The following LRBA variants were observed in gnomAD, a reference collection of about 807,000 sequenced individuals.
The protein encoded by LRBA is LPS responsive beige-like anchor protein.
LRBA carries 176 observed loss-of-function variants against 330.0 expected under a neutral mutation model. The ratio of observed to expected loss-of-function variants is 0.53; its 90% CI spans 0.47 to 0.60. The LOEUF is 0.60. LRBA is among the 20% of genes least tolerant of loss of function. The pLI is 0.00. For missense variants in LRBA, 3,259 were observed against 3,444.8 expected (o/e 0.95, Z 1.35); for synonymous variants, 1,230 against 1,193.0 (o/e 1.03, Z -0.64).
chr4:150,455,433 C>G (rs1753941978), intron 44 of LRBA, among the ~76,000 whole-genome samples: 2 of 151,748 alleles, frequency 1.3e-5, no homozygotes, highest in Admixed American at 1.3e-4. Context: ...ACATATACAC[C>G]ATGGAATACT....
chr4:150,588,273 TTCTCACG>T lies in LRBA; in HGVS notation c.6194-96_6194-90del. On this transcript the variant is annotated intron_variant, in intron 39 of 56. Coordinates refer to ENST00000651943, the MANE Select transcript of LRBA (RefSeq NM_001364905.1). ...CCAGAAATTGTATTTAATCTTTTCA[TTCTCACG>T]TCTAGTACTGAACTGCCTGCCAACT... 1.0e-5 allele frequency: 14 copies of T among 1,368,668 alleles called. 1 individual carries two copies. In the South Asian group the frequency reaches 2.1e-4, roughly 21 times the overall value. The allele number at this position is 1,368,668 out of a possible 1,614,324, so 84.8% of individuals were successfully genotyped here.
At chr4:150,289,715 T>C (rs1748604787) in intron 53 of LRBA, among the ~76,000 whole-genome samples, 1 of 152,230 alleles carries the variant, frequency 6.6e-6, no homozygotes, top group Non-Finnish European at 1.5e-5. Context: ...GCTGTACAGA[T>C]TGAGCATTCT....
chr4:150,583,112 C>T lies in LRBA; in HGVS notation c.6330+4936G>A. Reference sequence around the variant, plus strand: ...TGTCAGGCGCGCAAGGCGGCCATCGCCAAAACCATCCGAGAGGTCTGTAAG... The same window carrying T: ...TGTCAGGCGCGCAAGGCGGCCATCGTCAAAACCATCCGAGAGGTCTGTAAG... On this transcript the variant is annotated intron_variant, in intron 40 of 56. Coordinates refer to ENST00000651943, the MANE Select transcript of LRBA (RefSeq NM_001364905.1). The surrounding 1 kb of genome is among the most constrained non-coding windows in gnomAD (Gnocchi z 9.8). The T allele has an allele frequency of 6.2e-7, 1 of 1,614,194 alleles. No individual in the cohort carries two copies. The highest frequency in any genetic ancestry group is 1.1e-5 in the South Asian group (1 of 91,084).
chr4:150,379,082 C>A (rs1473676145), intron 47 of LRBA, among the ~76,000 whole-genome samples: 1 of 151,952 alleles, frequency 6.6e-6, no homozygotes, highest in African/African-American at 2.4e-5. Context: ...GCAGGTGGAT[C>A]ACCTGAGGTC....
intron 37 of LRBA, among the ~76,000 whole-genome samples, chr4:150,661,604 C>G (rs1010586781): frequency 6.6e-6 from 1 of 150,972 alleles, no homozygotes; most frequent in Non-Finnish European, 1.5e-5. Flanking sequence ...AACAGTGCAT[C>G]ATGTTTTATT....
intron 28 of LRBA, among the ~76,000 whole-genome samples, chr4:150,834,483 T>C (rs964020600): frequency 2.6e-5 from 4 of 152,188 alleles, no homozygotes; most frequent in Admixed American, 6.6e-5. Context: ...GGTGACCAGG[T>C]TGATTATCAA....
intron 38 of LRBA, among the ~76,000 whole-genome samples, chr4:150,591,542 T>C (rs1391351785): frequency 6.6e-6 from 1 of 152,032 alleles, no homozygotes; most frequent in East Asian, 1.9e-4. Context: ...AGCAAGGCGG[T>C]GTGGAAACTA....
chr4:150,723,924 G>C (rs952101577), intron 36 of LRBA, among the ~76,000 whole-genome samples: 21 of 152,228 alleles, frequency 1.4e-4, no homozygotes, highest in African/African-American at 5.1e-4. Flanking sequence ...TGGCCTGAAG[G>C]AATCCCCTGT....
chr4:150,899,985 A>C, intron 14 of LRBA, 64 bp downstream of exon 14: 1 of 1,332,134 alleles, frequency 7.5e-7, no homozygotes. Context: ...TGGTTAAAAC[A>C]AAAAGAAAAA....
chr4:150,969,752 G>A (rs1472236153), intron 2 of LRBA, among the ~76,000 whole-genome samples: 1 of 152,170 alleles, frequency 6.6e-6, no homozygotes, highest in African/African-American at 2.4e-5. Context: ...TTACAGGCGT[G>A]AGCCACCACA....
chr4:150,827,968 A>G (rs1311698295), intron 30 of LRBA, among the ~76,000 whole-genome samples: 1 of 152,140 alleles, frequency 6.6e-6, no homozygotes, highest in Non-Finnish European at 1.5e-5. Context: ...ATTACAGTAT[A>G]TAATACATAT....
intron 40 of LRBA, among the ~76,000 whole-genome samples, chr4:150,519,034 A>AT (rs973550696): frequency 6.6e-6 from 1 of 151,814 alleles, no homozygotes; most frequent in African/African-American, 2.4e-5. Context: ...TTCCTAGATA[A>AT]TTTTTTTTCC....
intron 40 of LRBA, chr4:150,579,580 C>T (rs763718536): frequency 7.3e-5 from 32 of 438,418 alleles, no homozygotes; most frequent in Non-Finnish European, 1.3e-4. Flanking sequence ...AACGTTTTAT[C>T]ATCCTTCCCT....
At chr4:150,780,832 T>G (rs1040457467) in intron 34 of LRBA, among the ~76,000 whole-genome samples, 2 of 151,672 alleles carry the variant, frequency 1.3e-5, no homozygotes, top group Non-Finnish European at 2.9e-5. Context: ...GGGGAATGGT[T>G]TCAGGATGAT....
intron 40 of LRBA, among the ~76,000 whole-genome samples, chr4:150,526,928 CAGA>C (rs1223737314): frequency 2.0e-5 from 3 of 151,994 alleles, no homozygotes; most frequent in African/African-American, 4.8e-5. Flanking sequence ...ACAATAATCA[CAGA>C]AGATCTATAT....
chr4:150,431,401 G>A (rs1429975824), intron 46 of LRBA, among the ~76,000 whole-genome samples: 2 of 152,166 alleles, frequency 1.3e-5, no homozygotes, highest in African/African-American at 4.8e-5. Context: ...ACTATCCCTT[G>A]ATGTGATTCC....
chr4:150,590,330 A>T (rs1425107986), intron 39 of LRBA, among the ~76,000 whole-genome samples: 1 of 150,328 alleles, frequency 6.7e-6, no homozygotes, highest in Non-Finnish European at 1.5e-5. Context: ...ATATCAAAGC[A>T]AATAGCTTCT....
At chr4:150,715,798 C>T (rs796323778) in intron 36 of LRBA, among the ~76,000 whole-genome samples, 11 of 152,266 alleles carry the variant, frequency 7.2e-5, no homozygotes, top group African/African-American at 2.4e-4. Context: ...TAGCTAAGTA[C>T]TTTTCATTAC....
At chr4:150,771,251 T>A (rs1160058771) in intron 34 of LRBA, among the ~76,000 whole-genome samples, 1 of 152,152 alleles carries the variant, frequency 6.6e-6, no homozygotes, top group Non-Finnish European at 1.5e-5. Context: ...GACCAATGAA[T>A]CCTACCTGTG....
Sources: allele counts gnomAD v4.1 joint callset (sites outside exome capture counted in the v4.1 genomes callset), GRCh38; gene constraint gnomAD v4.1.1; non-coding constraint Gnocchi (gnomAD v3.1); transcripts MANE v1.5; gene names NCBI Gene and HGNC (gene_info 2026-07-23, HGNC 2026-07-21).